Variants in LINGO2 observed in about 807,000 individuals in gnomAD.
The protein encoded by LINGO2 is leucine rich repeat and Ig domain containing 2, also known as leucine-rich repeat and immunoglobulin-like domain-containing nogo receptor-interacting protein 2.
Under a neutral mutation model 30.6 loss-of-function variants are expected in LINGO2, and 14 were observed. The observed-to-expected ratio is 0.46, with a 90% CI of 0.30 to 0.72. The LOEUF (loss-of-function observed/expected upper bound fraction) is 0.72, where lower values mean the gene tolerates loss of function less well. Among genes scored for constraint, LINGO2 ranks in the 30% least tolerant of loss-of-function variants. The pLI is 0.07. For synonymous variants in LINGO2, 317 were observed against 288.5 expected, an observed-to-expected ratio of 1.10 and a Z score of -1.00; for missense variants, 729 against 751.7, an observed-to-expected ratio of 0.97 and a Z score of 0.35.
At chr9:29,123,378 T>G in the LINGO2 span, among the ~76,000 whole-genome samples, 1 of 152,200 alleles carries the variant, frequency 6.6e-6, no homozygotes, top group South Asian at 2.1e-4. Context: ...ACGTTGACAC[T>G]GGTTCAAAGC....
chr9:28,417,364 A>G (rs1252461045), intron 2 of LINGO2, among the ~76,000 whole-genome samples: 4 of 152,214 alleles, frequency 2.6e-5, no homozygotes, highest in African/African-American at 9.7e-5. Flanking sequence ...AATAAAATCA[A>G]AGCAGATCAC....
intron 2 of LINGO2, among the ~76,000 whole-genome samples, chr9:28,427,593 C>G (rs1823465890): frequency 6.6e-6 from 1 of 152,078 alleles, no homozygotes; most frequent in Non-Finnish European, 1.5e-5. Flanking sequence ...ACAGATTTGT[C>G]TCATTCTAAA....
intron 4 of LINGO2, among the ~76,000 whole-genome samples, chr9:28,272,492 G>A (rs1360069570): frequency 2.0e-5 from 3 of 151,478 alleles, no homozygotes; most frequent in African/African-American, 4.9e-5. Context: ...CTTGAATATC[G>A]CCTCCTGAAA....
intron 1 of LINGO2, among the ~76,000 whole-genome samples, chr9:28,525,243 A>G (rs1334419231): frequency 6.6e-6 from 1 of 152,198 alleles, no homozygotes; most frequent in Non-Finnish European, 1.5e-5. Context: ...TAGAACTATC[A>G]TTGTCAATAG....
chr9:28,537,604 G>C (rs1480915299), intron 1 of LINGO2, among the ~76,000 whole-genome samples: 2 of 151,822 alleles, frequency 1.3e-5, no homozygotes, highest in Non-Finnish European at 2.9e-5. Flanking sequence ...ATTAGAAAGA[G>C]AGCTGAAGAA....
At chr9:28,566,639 G>T (rs1823398586) in intron 1 of LINGO2, among the ~76,000 whole-genome samples, 1 of 152,154 alleles carries the variant, frequency 6.6e-6, no homozygotes, top group Non-Finnish European at 1.5e-5. Flanking sequence ...AGAAGTGCCT[G>T]CAAGGGGTGC....
the LINGO2 span, among the ~76,000 whole-genome samples, chr9:29,164,221 T>G: frequency 5.3e-5 from 8 of 152,288 alleles, no homozygotes; most frequent in East Asian, 1.5e-3. Context: ...TATCCACCCC[T>G]TACCTTAGTT....
intron 4 of LINGO2, among the ~76,000 whole-genome samples, chr9:28,238,260 C>A (rs891953503): frequency 6.6e-6 from 1 of 151,828 alleles, no homozygotes; most frequent in Non-Finnish European, 1.5e-5. Flanking sequence ...ACAACAACAA[C>A]AAAAAATGGG....
the LINGO2 span, among the ~76,000 whole-genome samples, chr9:28,865,779 G>A: frequency 2.0e-5 from 3 of 152,098 alleles, no homozygotes; most frequent in Non-Finnish European, 4.4e-5. Context: ...GAGAGGCTCT[G>A]TCTCAAAAAA....
At chr9:28,827,579 A>G in the LINGO2 span, among the ~76,000 whole-genome samples, 1 of 152,186 alleles carries the variant, frequency 6.6e-6, no homozygotes, top group African/African-American at 2.4e-5. Flanking sequence ...GATACATATT[A>G]GTACTTGACA....
At chr9:28,315,255 T>C (rs1022873762) in intron 3 of LINGO2, among the ~76,000 whole-genome samples, 1 of 150,486 alleles carries the variant, frequency 6.6e-6, no homozygotes, top group Non-Finnish European at 1.5e-5. Flanking sequence ...ATACCAAAAA[T>C]TTAGCCCGAC....
intron 4 of LINGO2, among the ~76,000 whole-genome samples, chr9:28,029,356 C>A (rs1388367570): frequency 6.6e-6 from 1 of 151,958 alleles, no homozygotes; most frequent in African/African-American, 2.4e-5. Flanking sequence ...GATCTGTGGC[C>A]AATATATTGA....
intron 4 of LINGO2, among the ~76,000 whole-genome samples, chr9:28,164,656 G>A (rs939101165): frequency 2.0e-5 from 3 of 152,174 alleles, no homozygotes; most frequent in African/African-American, 7.2e-5. Context: ...AATCTGAAAA[G>A]TCACCAGGGA....
the LINGO2 span, among the ~76,000 whole-genome samples, chr9:29,151,334 A>G: frequency 6.6e-6 from 1 of 152,180 alleles, no homozygotes; most frequent in Admixed American, 6.5e-5. Context: ...GACACTATAA[A>G]GCAACTATAA....
At chr9:28,237,117 C>CGGT in intron 4 of LINGO2, among the ~76,000 whole-genome samples, 1 of 112,916 alleles carries the variant, frequency 8.9e-6, no homozygotes. Context: ...TTAAACAGTG[C>CGGT]GGGGGGGGGG....
At chr9:28,366,750 A>T (rs1820693310) in intron 3 of LINGO2, among the ~76,000 whole-genome samples, 1 of 151,986 alleles carries the variant, frequency 6.6e-6, no homozygotes, top group Non-Finnish European at 1.5e-5. Flanking sequence ...AATTTTTAAT[A>T]TTAAATACAT....
the LINGO2 span, among the ~76,000 whole-genome samples, chr9:28,817,782 T>A: frequency 2.6e-5 from 4 of 152,136 alleles, no homozygotes; most frequent in African/African-American, 9.7e-5. Context: ...TTGGGGAAGA[T>A]GAAAAAGCCT....
chr9:28,942,789 G>A, the LINGO2 span, among the ~76,000 whole-genome samples: 4 of 152,126 alleles, frequency 2.6e-5, no homozygotes, highest in Non-Finnish European at 5.9e-5. Context: ...CTATGAGAGA[G>A]TGAGCAAATG....
intron 2 of LINGO2, among the ~76,000 whole-genome samples, chr9:28,420,969 T>G (rs1823170003): frequency 6.6e-6 from 1 of 152,068 alleles, no homozygotes; most frequent in Non-Finnish European, 1.5e-5. Flanking sequence ...CAAAGATTCC[T>G]GAAATGTTTA....
Sources: gnomAD v4.1 joint callset for allele counts (sites outside exome capture counted in the v4.1 genomes callset) on GRCh38, gnomAD v4.1.1 for gene constraint, MANE v1.5 for transcripts, NCBI Gene and HGNC (gene_info 2026-07-23, HGNC 2026-07-21) for gene names.